TRAF3IP2: variants seen among roughly 807,000 people sequenced by gnomAD.
The protein encoded by TRAF3IP2 is E3 ubiquitin ligase TRAF3IP2.
Under a neutral mutation model 57.9 loss-of-function variants are expected in TRAF3IP2, and 35 were observed. The observed-to-expected ratio is 0.60, with a 90% confidence interval of 0.46 to 0.80. TRAF3IP2 has a LOEUF of 0.80. TRAF3IP2 is among the 30% of genes least tolerant of loss of function. TRAF3IP2 has a pLI of 0.00. For synonymous variants in TRAF3IP2, 251 were observed against 268.9 expected (o/e 0.93, Z 0.65); for missense variants, 556 against 706.4 (o/e 0.79, Z 2.41).
intron 2 of TRAF3IP2, among the ~76,000 whole-genome samples, chr6:111,582,628 C>G (rs1332637149): frequency 2.6e-5 from 4 of 152,190 alleles, no homozygotes; most frequent in African/African-American, 7.2e-5. Context: ...CACTACTGCT[C>G]CTTTCCCTCA....
intron 1 of TRAF3IP2, among the ~76,000 whole-genome samples, chr6:111,602,697 CA>C (rs1304377894): frequency 3.3e-5 from 5 of 152,036 alleles, no homozygotes; most frequent in Non-Finnish European, 5.9e-5. Flanking sequence ...AGAGTTTGGA[CA>C]GACAGCTCAG....
In TRAF3IP2 at chr6:111,572,930, C is replaced by G; in HGVS notation, c.1255G>C (p.Val419Leu). ...AAGCCATTTACCAACAAAAAGTTCA[C>G]GAATTTCACCACCTCCATAGCTGTG... ...MDTAMEVVKF[V>L]NFLLVNGFQT... The change falls in exon 5 of 9, where the codon GTG (valine) becomes CTG (leucine). Residue 419 changes from valine (V) to leucine (L), a missense_variant. Val to Leu is a conservative substitution (Grantham distance 32). Around this residue, in one of 2 missense-constraint regions of TRAF3IP2, gnomAD observed 128 missense variants for 207.7 expected, o/e 0.62. Transcript: ENST00000368761. 3.7e-6 allele frequency: 6 copies of G among 1,614,072 alleles called. No homozygotes were observed. The highest frequency in any genetic ancestry group is 5.1e-6 in the Non-Finnish European group (6 of 1,180,004).
intron 5 of TRAF3IP2, 138 bp from the exon 6 acceptor site, chr6:111,567,830 C>G: frequency 1.9e-6 from 1 of 535,872 alleles, no homozygotes. Context: ...GCACATAGGT[C>G]TAAAAAACAA....
chr6:111,591,362 T>C lies in TRAF3IP2; in HGVS notation c.725A>G (p.Gln242Arg), dbSNP rs1469398330. 6 of 1,541,736 alleles carry C rather than the reference T, an allele frequency of 3.9e-6. No individual in the cohort carries two copies. Among genetic ancestry groups the C allele is most frequent in the Non-Finnish European group, 5.2e-6 (6 of 1,147,790 alleles). ...RSREFPQFEP[Q>R]RYPACAQMLP... ...CATCTGTGCACATGCTGGATACCTC[T>C]GAGGTTCAAACTGAGGGAACTCCCT... The change falls in exon 2 of 9, where the codon CAG (glutamine) becomes CGG (arginine). Residue 242 changes from glutamine to arginine, a missense_variant. This residue lies in a region of TRAF3IP2 where 428 missense variants were observed against 498.7 expected (regional missense o/e 0.86). Transcript: ENST00000368761. This position sits in a 1 kb window ranked among gnomAD's most constrained non-coding sequence, Gnocchi z 4.9.
chr6:111,589,639 T>C (rs974849018), intron 2 of TRAF3IP2, among the ~76,000 whole-genome samples: 2 of 152,114 alleles, frequency 1.3e-5, no homozygotes, highest in Non-Finnish European at 2.9e-5. Context: ...TCAGAGGCTC[T>C]TTCTCCCGCT....
chr6:111,603,892 G>A (rs548238674), intron 1 of TRAF3IP2, among the ~76,000 whole-genome samples: 18 of 152,366 alleles, frequency 1.2e-4, no homozygotes, highest in Admixed American at 8.5e-4. Context: ...CCATCATGGA[G>A]TGACTGGTAG....
In TRAF3IP2 at chr6:111,591,744, C is replaced by G. The variant is rs747398904; in HGVS notation, c.343G>C (p.Glu115Gln). 1 of 1,614,206 alleles carries G rather than the reference C, an allele frequency of 6.2e-7. No individual in the cohort carries two copies. Among genetic ancestry groups the G allele is most frequent in the Non-Finnish European group, 8.5e-7 (1 of 1,180,026 alleles). ...CCAACCACAGACTCAGACGCAGGCT[C>G]GCTGACTGCAGAGCACCCAGAAGGG... Reference protein sequence around the residue: ...AFPSGCSAVSEPASESVVGAL... With the variant: ...AFPSGCSAVSQPASESVVGAL... Residue 115 changes from glutamate (E) to glutamine (Q), a missense_variant, in exon 2 of 9, where the codon GAG becomes CAG. Around this residue, in one of 2 missense-constraint regions of TRAF3IP2, gnomAD observed 428 missense variants for 498.7 expected, o/e 0.86. Coordinates refer to ENST00000368761, the MANE Select transcript of TRAF3IP2 (RefSeq NM_147686.4). The surrounding 1 kb of genome is among the most constrained non-coding windows in gnomAD (Gnocchi z 4.9).
At chr6:111,588,539 C>T (rs1277994289) in intron 2 of TRAF3IP2, among the ~76,000 whole-genome samples, 4 of 152,200 alleles carry the variant, frequency 2.6e-5, no homozygotes, top group African/African-American at 9.6e-5. Flanking sequence ...AAGTATTTTC[C>T]AGAAGGTCCT....
At chr6:111,583,400 G>A (rs1796223066) in intron 2 of TRAF3IP2, among the ~76,000 whole-genome samples, 1 of 152,214 alleles carries the variant, frequency 6.6e-6, no homozygotes, top group Non-Finnish European at 1.5e-5. Flanking sequence ...GAGGTAAACA[G>A]TGGGTGAGTA....
rs7754303 is a variant in TRAF3IP2, at chr6:111,567,455, C to T, written c.1359+169G>A. On this transcript the variant is annotated intron_variant, in intron 6 of 8. Coordinates refer to ENST00000368761, the MANE Select transcript of TRAF3IP2 (RefSeq NM_147686.4). ...CTGTGCATGTCCAAGAGGGCGACTC[C>T]GTCCTTCCTTTCCAAGTCTTTGCAC... The T allele has an allele frequency of 3.6e-4, 471 of 1,322,722 alleles. 1 individual carries two copies. In the African/African-American group the frequency reaches 6.4e-3, roughly 18 times the overall value. 81.9% of individuals were successfully genotyped at this position (1,322,722 alleles called of 1,614,324 possible).
In TRAF3IP2 at chr6:111,561,873, A is replaced by C. The variant is rs187359990; in HGVS notation, c.1551+1092T>G. On this transcript the variant is annotated intron_variant, in intron 8 of 8. Transcript: ENST00000368761. Reference sequence around the variant, plus strand: ...GGAGATGAGACCAGTAAGGAGACTCATCAGTAAGTGACAGCAGTGAGACCC... The same window carrying C: ...GGAGATGAGACCAGTAAGGAGACTCCTCAGTAAGTGACAGCAGTGAGACCC... Among the ~76,000 whole-genome samples the C allele has an allele frequency of 1.2e-4, 19 of 152,326 alleles. No homozygotes were observed. The East Asian group carries it at 3.7e-3, about 29-fold the overall frequency.
chr6:111,604,713 C>A (rs1028434690), intron 1 of TRAF3IP2, among the ~76,000 whole-genome samples: 1 of 152,128 alleles, frequency 6.6e-6, no homozygotes, highest in African/African-American at 2.4e-5. Flanking sequence ...GGGGGGTGAG[C>A]ACCTACTAGG....
At position 111,558,680 on chromosome 6, in the gene TRAF3IP2, C is replaced by A. The variant is rs905276052; in HGVS notation, c.*725G>T. 1 of 152,184 alleles carries A rather than the reference C, an allele frequency of 6.6e-6. No individual in the cohort carries two copies. Among genetic ancestry groups the A allele is most frequent in the Non-Finnish European group, 1.5e-5 (1 of 68,050 alleles). The allele number at this position is 152,184 out of a possible 1,614,324, so 9.4% of individuals were successfully genotyped here. On this transcript the variant is annotated 3_prime_UTR_variant, in exon 9 of 9. Coordinates refer to ENST00000368761, the MANE Select transcript of TRAF3IP2 (RefSeq NM_147686.4). ...AAACTCCTGACCTCAAATGATCTGC[C>A]TGCCTTAGCTTCCCAAAGTGCTGGG...
chr6:111,562,636 G>C (rs1457180664), intron 8 of TRAF3IP2, among the ~76,000 whole-genome samples: 1 of 151,990 alleles, frequency 6.6e-6, no homozygotes, highest in Non-Finnish European at 1.5e-5. Context: ...CTGAGGTCAG[G>C]AGTTCAAGAC....
chr6:111,580,893 A>G (rs564723319), intron 2 of TRAF3IP2, among the ~76,000 whole-genome samples: 1 of 151,492 alleles, frequency 6.6e-6, no homozygotes, highest in African/African-American at 2.4e-5. Context: ...TCCTCTTAAG[A>G]AGAGGTAAAT....
At chr6:111,566,305 C>A in intron 7 of TRAF3IP2, 139 bp downstream of exon 7, 2 of 707,126 alleles carry the variant, frequency 2.8e-6, no homozygotes, top group Non-Finnish European at 4.9e-6. Context: ...AACAGCTCCT[C>A]TCCTGACATG....
At chr6:111,599,180 T>C (rs1455639335) in intron 1 of TRAF3IP2, among the ~76,000 whole-genome samples, 2 of 151,660 alleles carry the variant, frequency 1.3e-5, no homozygotes, top group Non-Finnish European at 2.9e-5. Context: ...AGTGCTGAGA[T>C]TACAGGCATG....
chr6:111,585,515 G>A (rs1042089855), intron 2 of TRAF3IP2, among the ~76,000 whole-genome samples: 1 of 151,234 alleles, frequency 6.6e-6, no homozygotes, highest in Admixed American at 6.6e-5. Context: ...AGTTCCCTTG[G>A]GATTAGCTCA....
chr6:111,579,367 A>G (rs1796090152), intron 3 of TRAF3IP2, among the ~76,000 whole-genome samples: 1 of 150,878 alleles, frequency 6.6e-6, no homozygotes, highest in Non-Finnish European at 1.5e-5. Context: ...AACTGAAGTC[A>G]TGAAAATACG....
Sources: allele counts gnomAD v4.1 joint callset (sites outside exome capture counted in the v4.1 genomes callset), GRCh38; gene constraint gnomAD v4.1.1; regional missense constraint gnomAD v4.1.1; non-coding constraint Gnocchi (gnomAD v3.1); transcripts MANE v1.5; gene names NCBI Gene and HGNC (gene_info 2026-07-23, HGNC 2026-07-21).